USP15: variants seen among roughly 807,000 people sequenced by gnomAD.
The protein encoded by USP15 is ubiquitin specific peptidase 15.
In USP15, 18 loss-of-function variants were observed where a neutral mutation model predicts 127.1. That is an observed-to-expected ratio of 0.14 (90% CI 0.10 to 0.21). The LOEUF is 0.21. USP15 is among the 10% of genes least tolerant of loss of function. USP15 has a pLI of 1.00. For synonymous variants in USP15, 364 were observed against 393.7 expected (o/e 0.92, Z 0.89); for missense variants, 805 against 1,159.9 (o/e 0.69, Z 4.44).
At chr12:62,387,339 A>G (rs1431843085) in intron 11 of USP15, among the ~76,000 whole-genome samples, 1 of 152,216 alleles carries the variant, frequency 6.6e-6, no homozygotes, top group Non-Finnish European at 1.5e-5. Flanking sequence ...GTCATTAATA[A>G]TTATACTAGG....
chr12:62,377,453 C>G (rs2066864461), intron 8 of USP15, among the ~76,000 whole-genome samples: 2 of 152,100 alleles, frequency 1.3e-5, no homozygotes, highest in African/African-American at 4.8e-5. Context: ...GGTGCGGTGG[C>G]TCACGCCTGT....
chr12:62,338,212 G>A (rs2065535584), intron 6 of USP15, among the ~76,000 whole-genome samples: 1 of 152,130 alleles, frequency 6.6e-6, no homozygotes, highest in Non-Finnish European at 1.5e-5. Flanking sequence ...GGTGTGATTT[G>A]CATTTGTCTA....
intron 6 of USP15, among the ~76,000 whole-genome samples, chr12:62,348,911 G>A (rs1302380344): frequency 6.6e-6 from 1 of 152,160 alleles, no homozygotes; most frequent in East Asian, 1.9e-4. Context: ...GAAATTGATC[G>A]TAAAATGTTA....
chr12:62,349,932 A>C (rs990394772), intron 7 of USP15, among the ~76,000 whole-genome samples: 2 of 152,018 alleles, frequency 1.3e-5, no homozygotes, highest in African/African-American at 4.8e-5. Flanking sequence ...ATGTTTTTTT[A>C]ATTCAAAAAG....
chr12:62,262,685 G>A (rs970212225), intron 1 of USP15, among the ~76,000 whole-genome samples: 11 of 152,074 alleles, frequency 7.2e-5, no homozygotes, highest in African/African-American at 2.7e-4. Flanking sequence ...GTGTATAGCT[G>A]TATAGGTACA....
At position 62,388,524 on chromosome 12, in the gene USP15, A is replaced by G. The variant is rs577884848; in HGVS notation, c.1474-907A>G. 4.6e-5 allele frequency among the ~76,000 whole-genome samples: 7 copies of G among 152,362 alleles called. 1 individual carries two copies. The South Asian group carries it at 1.2e-3, about 27-fold the overall frequency. On this transcript the variant is annotated intron_variant, in intron 11 of 21. Coordinates refer to ENST00000280377, the MANE Select transcript of USP15 (RefSeq NM_001252078.2). ...ATTTCTGAGTACTGTCAAAGGATCA[A>G]TTGATATTGGGCACTGTGGATTTGT...
At chr12:62,305,917 T>C (rs2064472647) in intron 3 of USP15, 1 of 152,256 alleles carries the variant, frequency 6.6e-6, no homozygotes, top group Non-Finnish European at 1.5e-5. Flanking sequence ...ACACGCACTC[T>C]AGCTGTCTCT....
intron 6 of USP15, chr12:62,335,698 C>A: frequency 1.0e-6 from 1 of 985,704 alleles, no homozygotes; most frequent in Non-Finnish European, 1.2e-6. Flanking sequence ...CCTCCATTTA[C>A]CATCCTTAAG....
intron 1 of USP15, among the ~76,000 whole-genome samples, chr12:62,283,191 G>C (rs1171783534): frequency 6.6e-6 from 1 of 152,216 alleles, no homozygotes; most frequent in Non-Finnish European, 1.5e-5. Flanking sequence ...TTTGTAGATA[G>C]TAGAAGAGTA....
In USP15 at chr12:62,333,440, T is replaced by C. The variant is rs190228116; in HGVS notation, c.683+7507T>C. Among the ~76,000 whole-genome samples, 127 of 152,012 alleles carry C rather than the reference T, an allele frequency of 8.4e-4. 1 individual carries two copies. The highest frequency in any genetic ancestry group is 2.9e-3 in the African/African-American group (121 of 41,448). ...CCACCACACCTGGCTAATTTTTGGG[T>C]TTTTTTGTTCTTTTGTTTGTTTGTT... is the stretch of plus-strand genomic sequence containing the variant. On this transcript the variant is annotated intron_variant, in intron 6 of 21. Coordinates refer to ENST00000280377, the MANE Select transcript of USP15 (RefSeq NM_001252078.2).
intron 6 of USP15, among the ~76,000 whole-genome samples, chr12:62,326,461 G>A (rs184890188): frequency 4.9e-4 from 75 of 152,262 alleles, no homozygotes; most frequent in African/African-American, 1.6e-3. Context: ...AAGGCCAGTT[G>A]TGTTTAAATA....
chr12:62,394,580 T>C (rs1441898803), intron 19 of USP15, among the ~76,000 whole-genome samples: 1 of 152,192 alleles, frequency 6.6e-6, no homozygotes, highest in African/African-American at 2.4e-5. Flanking sequence ...CTGGGCACAG[T>C]GGCTCACGCC....
At chr12:62,303,056 C>T (rs535520778) in intron 3 of USP15, 136 bp downstream of exon 3, 8 of 932,312 alleles carry the variant, frequency 8.6e-6, no homozygotes, top group Admixed American at 2.8e-5. Flanking sequence ...CACTGTGTTA[C>T]AATAATGGCA....
Position 62,389,675 on chromosome 12 carries a change from T to G in USP15, c.1628T>G (p.Ile543Ser), listed in dbSNP as rs1444101491. 6.2e-6 allele frequency: 10 copies of G among 1,613,140 alleles called. No individual in the cohort carries two copies. Among genetic ancestry groups the G allele is most frequent in the South Asian group, 3.3e-5 (3 of 91,010 alleles). The stretch of plus-strand genomic sequence containing the variant: ...GCTATGGATGAAAACCTTAGTAGTA[T>G]TATGGAACGGGATGATATTTATGTG... ...IFAMDENLSS[I>S]MERDDIYVFE... The change falls in exon 13 of 22, where the codon ATT (isoleucine) becomes AGT (serine). Residue 543 changes from isoleucine (I) to serine (S), a missense_variant. This residue lies in a region of USP15 where 82 missense variants were observed against 104.4 expected (regional missense o/e 0.79). Transcript: ENST00000280377.
In USP15 at chr12:62,279,930, T is replaced by C. The variant is rs143288195; in HGVS notation, c.90-14249T>C. 9.5e-4 allele frequency among the ~76,000 whole-genome samples: 144 copies of C among 152,342 alleles called. 1 individual carries two copies. Among genetic ancestry groups the C allele is most frequent in the African/African-American group, 3.0e-3 (124 of 41,584 alleles). ...CTCTTATTTCTTTCCACTGTTTTCATTGGTCTTTTTACTTCTCTCTATGCC... is the reference window on the plus strand; with the variant it reads ...CTCTTATTTCTTTCCACTGTTTTCACTGGTCTTTTTACTTCTCTCTATGCC... On this transcript the variant is annotated intron_variant, in intron 1 of 21. Transcript: ENST00000280377.
intron 8 of USP15, chr12:62,374,676 T>C (rs557408935): frequency 1.3e-5 from 10 of 796,744 alleles, no homozygotes; most frequent in African/African-American, 3.7e-5. Context: ...AAAAAACTTA[T>C]GTAGAAATTT....
rs868570779 is a variant in USP15 at position 62,330,771 on chromosome 12, C to A, written c.683+4838C>A. On this transcript the variant is annotated intron_variant, in intron 6 of 21. Coordinates refer to ENST00000280377, the MANE Select transcript of USP15 (RefSeq NM_001252078.2). ...CCCCGTCTCTACAAAAAAAAAAAAA[C>A]AAAAATTAGCCAGTTATGGTGGCAT... Among the ~76,000 whole-genome samples the A allele has an allele frequency of 1.5e-3, 205 of 135,242 alleles. 2 individuals are homozygous for A. In the Middle Eastern group the frequency reaches 0.019, roughly 12 times the overall value. 88.7% of individuals were successfully genotyped at this position (135,242 alleles called of 152,430 possible). A position where few individuals can be genotyped will look rare whatever the true frequency, so the allele number is the denominator to read the frequency against.
chr12:62,382,733 A>G (rs2067028617), intron 9 of USP15, among the ~76,000 whole-genome samples: 2 of 151,944 alleles, frequency 1.3e-5, no homozygotes, highest in South Asian at 4.1e-4. Context: ...GAATATGAAC[A>G]TTAATGTTTC....
At chr12:62,285,705 T>C (rs1376589394) in intron 1 of USP15, among the ~76,000 whole-genome samples, 1 of 152,214 alleles carries the variant, frequency 6.6e-6, no homozygotes, top group Non-Finnish European at 1.5e-5. Context: ...ACTTAGGTTG[T>C]TTCCATATCT....
Sources: allele counts gnomAD v4.1 joint callset (sites outside exome capture counted in the v4.1 genomes callset), GRCh38; gene constraint gnomAD v4.1.1; regional missense constraint gnomAD v4.1.1; transcripts MANE v1.5; gene names NCBI Gene and HGNC (gene_info 2026-07-23, HGNC 2026-07-21).